The following CDH20 variants were observed in gnomAD, a reference collection of about 807,000 sequenced individuals.
The protein encoded by CDH20 is cadherin-20.
In CDH20, 29 loss-of-function variants were observed where a neutral mutation model predicts 74.2. That is an observed-to-expected ratio of 0.39 (90% CI 0.29 to 0.53). The LOEUF is 0.53. Among genes scored for constraint, CDH20 ranks in the 20% least tolerant of loss-of-function variants. CDH20 has a pLI of 0.69. For missense variants in CDH20, 988 were observed against 1,048.3 expected (o/e 0.94, Z 0.79); for synonymous variants, 469 against 405.4 (o/e 1.16, Z -1.88).
rs1260759665 is a variant in CDH20 at position 61,554,488 on chromosome 18, C to T, written c.2199C>T (p.Ala733=). Reference sequence around the variant, plus strand: ...ACGTGCTGGCCAAGCTCTACGAGGCCGACATGGACCTGTGGGCACCGCCCT... The same window carrying T: ...ACGTGCTGGCCAAGCTCTACGAGGCTGACATGGACCTGTGGGCACCGCCCT... ...HSYVLAKLYE[A]DMDLWAPPFD... The change falls in exon 12 of 12, where the codon GCC becomes GCT. Residue 733 remains alanine, a synonymous_variant. Coordinates refer to ENST00000262717, the MANE Select transcript of CDH20 (RefSeq NM_031891.4). 4.3e-6 allele frequency: 7 copies of T among 1,612,806 alleles called. No individual in the cohort carries two copies. The South Asian group carries it at 5.5e-5, about 13-fold the overall frequency.
In CDH20 at chr18:61,473,282, A is replaced by G. The variant is rs1468493816; in HGVS notation, c.-152-17120A>G. On this transcript the variant is annotated intron_variant, in intron 1 of 11. Coordinates refer to ENST00000262717, the MANE Select transcript of CDH20 (RefSeq NM_031891.4). ...ATTGGAATCCGTCTGATGTATCAGA[A>G]TGTATCAGAATGTATTTCCCATTAA... Among the ~76,000 whole-genome samples, 6 of 151,808 alleles carry G rather than the reference A, an allele frequency of 4.0e-5. 1 individual carries two copies. The highest frequency in any genetic ancestry group is 3.9e-4 in the Admixed American group (6 of 15,272).
chr18:61,548,865 GGATA>G (rs895823406), intron 10 of CDH20, among the ~76,000 whole-genome samples: 45 of 152,264 alleles, frequency 3.0e-4, no homozygotes, highest in African/African-American at 1.1e-3. Flanking sequence ...ACATTTAAGA[GGATA>G]GAAAAGTGTA....
rs189370258 is a variant in CDH20, at chr18:61,546,870, C to T, written c.1648+1726C>T. On this transcript the variant is annotated intron_variant, in intron 10 of 11. Transcript: ENST00000262717. ...AATCTCCAAATGACAATTTATCTCACGAGTATCCTTTACTGGGGCTCATTT... is the reference window on the plus strand; with the variant it reads ...AATCTCCAAATGACAATTTATCTCATGAGTATCCTTTACTGGGGCTCATTT... Among the ~76,000 whole-genome samples the T allele has an allele frequency of 3.7e-4, 56 of 152,306 alleles. 1 individual carries two copies. The East Asian group carries it at 6.8e-3, about 18-fold the overall frequency.
intron 9 of CDH20, 125 bp downstream of exon 9, chr18:61,539,270 C>G: frequency 1.1e-6 from 1 of 934,646 alleles, no homozygotes; most frequent in Non-Finnish European, 1.7e-6. Flanking sequence ...AAACAGAGTC[C>G]CTAATTCCCG....
At position 61,481,578 on chromosome 18, in the gene CDH20, GTTTGT is replaced by G. The variant is rs1174602400; in HGVS notation, c.-152-8817_-152-8813del. Among the ~76,000 whole-genome samples, 4 of 152,062 alleles carry G rather than the reference GTTTGT, an allele frequency of 2.6e-5. No homozygotes were observed. In the South Asian group the frequency reaches 8.3e-4, roughly 32 times the overall value. ...ATAATAAACATCAGTGAGATTTTTGGTTTGTTTTGTTAGGGCATTAAAAGGCAAAT... is the reference window on the plus strand; with the variant it reads ...ATAATAAACATCAGTGAGATTTTTGGTTTGTTAGGGCATTAAAAGGCAAAT... On this transcript the variant is annotated intron_variant, in intron 1 of 11. Coordinates refer to ENST00000262717, the MANE Select transcript of CDH20 (RefSeq NM_031891.4).
chr18:61,491,794 C>T (rs1351313191), intron 2 of CDH20, among the ~76,000 whole-genome samples: 1 of 152,048 alleles, frequency 6.6e-6, no homozygotes, highest in East Asian at 1.9e-4. Context: ...TCACACCTCC[C>T]AGTCACAACC....
intron 1 of CDH20, among the ~76,000 whole-genome samples, chr18:61,358,416 A>G (rs1910572151): frequency 6.6e-6 from 1 of 152,198 alleles, no homozygotes; most frequent in East Asian, 1.9e-4. Flanking sequence ...CACAGCACCC[A>G]GGCTGTTCCT....
At chr18:61,436,301 T>C (rs1281563430) in intron 1 of CDH20, among the ~76,000 whole-genome samples, 1 of 152,188 alleles carries the variant, frequency 6.6e-6, no homozygotes, top group African/African-American at 2.4e-5. Context: ...GTGAAATTGC[T>C]GGGTAACTGT....
Position 61,490,400 on chromosome 18 carries a change from A to T in CDH20, c.-152-2A>T. On this transcript the variant is annotated splice_acceptor_variant, in intron 1 of 11. Transcript: ENST00000262717. LOFTEE classifies it low-confidence loss of function (5UTR_SPLICE). Reference sequence around the variant, plus strand: ...CACACTGTGTTTTCCTTAACTTGACAGGAAGTCAACTTCAAGCAGATTGAC... The same window carrying T: ...CACACTGTGTTTTCCTTAACTTGACTGGAAGTCAACTTCAAGCAGATTGAC... 1 of 723,862 alleles carries T rather than the reference A, an allele frequency of 1.4e-6. No homozygotes were observed. Among genetic ancestry groups the T allele is most frequent in the Non-Finnish European group, 2.3e-6 (1 of 438,830 alleles). 44.8% of individuals were successfully genotyped at this position (723,862 alleles called of 1,614,324 possible).
chr18:61,467,614 A>G (rs1314764076), intron 1 of CDH20, among the ~76,000 whole-genome samples: 1 of 152,214 alleles, frequency 6.6e-6, no homozygotes, highest in Non-Finnish European at 1.5e-5. Context: ...GGAAAGATGA[A>G]CATGATAGTT....
At chr18:61,504,605 G>T (rs555688594) in intron 5 of CDH20, among the ~76,000 whole-genome samples, 1 of 152,098 alleles carries the variant, frequency 6.6e-6, no homozygotes, top group Non-Finnish European at 1.5e-5. Flanking sequence ...GAAGACGTAA[G>T]TTTGAGAAGC....
Position 61,525,964 on chromosome 18 carries a change from ATTTTTT to A in CDH20, c.1018-1983_1018-1978del, listed in dbSNP as rs1006282537. ...AGGCACATGCCACCACACCCAGCTA[ATTTTTT>A]TTTTTTTTTTTTTTTTTTTGGTAGC... On this transcript the variant is annotated intron_variant, in intron 6 of 11. Coordinates refer to ENST00000262717, the MANE Select transcript of CDH20 (RefSeq NM_031891.4). Among the ~76,000 whole-genome samples the A allele has an allele frequency of 5.1e-3, 433 of 84,368 alleles. 5 individuals carry two copies. The highest frequency in any genetic ancestry group is 6.6e-3 in the Non-Finnish European group (296 of 45,174). 55.3% of individuals were successfully genotyped at this position (84,368 alleles called of 152,430 possible).
At chr18:61,437,098 A>G (rs1908863989) in intron 1 of CDH20, among the ~76,000 whole-genome samples, 9 of 152,304 alleles carry the variant, frequency 5.9e-5, no homozygotes, top group Middle Eastern at 3.4e-3. Flanking sequence ...GCACTTGGTA[A>G]TTGTTCAACA....
At chr18:61,421,178 G>A (rs1317117727) in intron 1 of CDH20, among the ~76,000 whole-genome samples, 2 of 152,140 alleles carry the variant, frequency 1.3e-5, no homozygotes, top group East Asian at 3.9e-4. Context: ...CAACAGAGTG[G>A]TAAAATTAAT....
intron 1 of CDH20, among the ~76,000 whole-genome samples, chr18:61,339,618 A>C (rs1283149284): frequency 6.6e-6 from 1 of 151,948 alleles, no homozygotes; most frequent in Non-Finnish European, 1.5e-5. Context: ...TCAACTAATT[A>C]AAGGGTAACT....
intron 1 of CDH20, among the ~76,000 whole-genome samples, chr18:61,352,395 C>A (rs946841092): frequency 6.6e-6 from 1 of 152,182 alleles, no homozygotes; most frequent in African/African-American, 2.4e-5. Context: ...ATAAAATATG[C>A]ATCAATGGAG....
intron 6 of CDH20, among the ~76,000 whole-genome samples, chr18:61,521,217 A>G (rs751076436): frequency 9.3e-5 from 14 of 151,284 alleles, no homozygotes; most frequent in Non-Finnish European, 1.6e-4. Context: ...AATCAAATAG[A>G]CACAATAAAA....
chr18:61,507,279 A>G, intron 5 of CDH20, 94 bp from the exon 6 acceptor site: 1 of 1,197,128 alleles, frequency 8.4e-7, no homozygotes. Flanking sequence ...CCAGAAAAAA[A>G]GATATTTTGC....
At chr18:61,363,656 T>C (rs1599037397) in intron 1 of CDH20, among the ~76,000 whole-genome samples, 1 of 152,212 alleles carries the variant, frequency 6.6e-6, no homozygotes, top group Admixed American at 6.5e-5. Flanking sequence ...GCTTGTGTTC[T>C]GGACTTGTGC....
Sources: gnomAD v4.1 joint callset for allele counts (sites outside exome capture counted in the v4.1 genomes callset) on GRCh38, gnomAD v4.1.1 for gene constraint, MANE v1.5 for transcripts, NCBI Gene and HGNC (gene_info 2026-07-23, HGNC 2026-07-21) for gene names.